The following IL1RAPL1 variants were observed in gnomAD, a reference collection of about 807,000 sequenced individuals.
The protein encoded by IL1RAPL1 is interleukin 1 receptor accessory protein like 1, also known as interleukin-1 receptor accessory protein-like 1.
A neutral mutation model predicts 48.4 loss-of-function variants in IL1RAPL1; 3 were observed. The observed-to-expected ratio is 0.06, with a 90% CI of 0.03 to 0.16. IL1RAPL1 has a LOEUF of 0.16. Ranked by LOEUF, IL1RAPL1 falls within the 10% of genes least tolerant of loss-of-function variation. The probability of loss-of-function intolerance (pLI) is 1.00; values close to 1 mark genes in which losing one functional copy is unlikely to be tolerated. For missense variants in IL1RAPL1, 349 were observed against 530.6 expected, an observed-to-expected ratio of 0.66 and a Z score of 3.36; for synonymous variants, 185 against 187.7, an observed-to-expected ratio of 0.99 and a Z score of 0.12.
At chrX:29,638,962 A>G (rs1459147476) in intron 5 of IL1RAPL1, among the ~76,000 whole-genome samples, 2 of 111,624 alleles carry the variant, frequency 1.8e-5, no homozygotes, top group African/African-American at 6.5e-5. Flanking sequence ...TGAGACGGGT[A>G]GATCACAAGG....
intron 1 of IL1RAPL1, among the ~76,000 whole-genome samples, chrX:28,725,462 A>G (rs1380722400): frequency 8.9e-6 from 1 of 111,821 alleles, no homozygotes; most frequent in Non-Finnish European, 1.9e-5. Context: ...ATTACCGGGT[A>G]ATTATGATAG....
At chrX:29,569,550 T>C (rs1922524396) in intron 5 of IL1RAPL1, among the ~76,000 whole-genome samples, 1 of 111,086 alleles carries the variant, frequency 9.0e-6, no homozygotes, top group Non-Finnish European at 1.9e-5. Flanking sequence ...ATCACATTGC[T>C]TCAACAATAG....
chrX:28,587,548 T>TGTA lies in IL1RAPL1; in HGVS notation c.-523_-522insTAG, dbSNP rs1172797750. The stretch of plus-strand genomic sequence containing the variant: ...GCATCCCGGATCTGGAAATTTTACT[T>TGTA]GGGGACCAGGAGGATTTGAAAGGCT... On this transcript the variant is annotated 5_prime_UTR_variant, in exon 1 of 11. The change creates a premature stop within an existing upstream ORF in the 5' untranslated region. Transcript: ENST00000378993. 1 of 110,649 alleles carries TGTA rather than the reference T, an allele frequency of 9.0e-6. No individual in the cohort carries two copies. Among genetic ancestry groups the TGTA allele is most frequent in the East Asian group, 2.8e-4 (1 of 3,521 alleles). 9.1% of individuals were successfully genotyped at this position (110,649 alleles called of 1,213,427 possible). A position where few individuals can be genotyped will look rare whatever the true frequency, so the allele number is the denominator to read the frequency against.
intron 2 of IL1RAPL1, among the ~76,000 whole-genome samples, chrX:28,942,910 C>T (rs755896045): frequency 9.1e-6 from 1 of 110,206 alleles, no homozygotes; most frequent in Non-Finnish European, 1.9e-5. Context: ...AAATGAAAAA[C>T]CATGTAATAA....
At chrX:28,815,080 T>C (rs1936846797) in intron 2 of IL1RAPL1, among the ~76,000 whole-genome samples, 1 of 110,287 alleles carries the variant, frequency 9.1e-6, no homozygotes, top group African/African-American at 3.3e-5. Flanking sequence ...TTATATAATA[T>C]AAGAATAATA....
At chrX:29,741,952 A>AG (rs1394015821) in intron 6 of IL1RAPL1, among the ~76,000 whole-genome samples, 1 of 107,953 alleles carries the variant, frequency 9.3e-6, no homozygotes, top group Non-Finnish European at 1.9e-5. Context: ...AAAAAAAAAA[A>AG]AAAGAAAAGC....
intron 6 of IL1RAPL1, among the ~76,000 whole-genome samples, chrX:29,728,765 C>T (rs748760336): frequency 4.4e-5 from 5 of 112,375 alleles, no homozygotes; most frequent in Non-Finnish European, 7.5e-5. Flanking sequence ...ATTGTTAACA[C>T]ACACTTCTGT....
At chrX:29,491,903 T>C (rs1452136506) in intron 5 of IL1RAPL1, among the ~76,000 whole-genome samples, 2 of 111,795 alleles carry the variant, frequency 1.8e-5, no homozygotes, top group Admixed American at 1.9e-4. Flanking sequence ...ATAACTTTAC[T>C]ATTTTCTAAA....
At chrX:29,770,690 T>G (rs976477636) in intron 6 of IL1RAPL1, among the ~76,000 whole-genome samples, 2 of 112,429 alleles carry the variant, frequency 1.8e-5, no homozygotes. Flanking sequence ...TGCCATTCTG[T>G]GCTGCTAAAG....
At chrX:29,065,487 T>A (rs1174836735) in intron 2 of IL1RAPL1, among the ~76,000 whole-genome samples, 1 of 112,133 alleles carries the variant, frequency 8.9e-6, no homozygotes, top group Non-Finnish European at 1.9e-5. Flanking sequence ...TTAGCATTTT[T>A]CCTACAATGT....
chrX:29,873,523 C>G (rs953389477), intron 6 of IL1RAPL1, among the ~76,000 whole-genome samples: 1 of 111,465 alleles, frequency 9.0e-6, no homozygotes, highest in Non-Finnish European at 1.9e-5. Flanking sequence ...TTAGACCCCC[C>G]ACTTCCGCCC....
At chrX:29,081,030 T>TCTCTC (rs1436925975) in intron 2 of IL1RAPL1, among the ~76,000 whole-genome samples, 2 of 76,347 alleles carry the variant, frequency 2.6e-5, no homozygotes, top group Admixed American at 1.6e-4. Context: ...CTTTCTTTTC[T>TCTCTC]TTTCTTTTCT....
chrX:28,855,872 G>A (rs1306177982), intron 2 of IL1RAPL1, among the ~76,000 whole-genome samples: 1 of 111,536 alleles, frequency 9.0e-6, no homozygotes, highest in East Asian at 2.8e-4. Context: ...AAGATTGGAA[G>A]AGATTTTTAA....
Position 29,918,837 on chromosome X carries a change from C to T in IL1RAPL1, c.912-1112C>T, listed in dbSNP as rs748848297. 2.7e-5 allele frequency among the ~76,000 whole-genome samples: 3 copies of T among 111,771 alleles called. No homozygotes were observed. In the South Asian group the frequency reaches 1.1e-3, roughly 42 times the overall value. On this transcript the variant is annotated intron_variant, in intron 7 of 10. Transcript: ENST00000378993. The stretch of plus-strand genomic sequence containing the variant: ...TCATTCAATGCTAGCTGTAATTATG[C>T]TTTGGCATAGATACTTATTTTTATT...
chrX:29,700,951 G>A (rs1389580160), intron 6 of IL1RAPL1, among the ~76,000 whole-genome samples: 1 of 111,927 alleles, frequency 8.9e-6, no homozygotes, highest in Admixed American at 9.5e-5. Flanking sequence ...GAGAATAATT[G>A]TATTTGGATA....
At chrX:29,635,642 A>G (rs1307798835) in intron 5 of IL1RAPL1, among the ~76,000 whole-genome samples, 1 of 111,426 alleles carries the variant, frequency 9.0e-6, no homozygotes, top group Non-Finnish European at 1.9e-5. Context: ...ATTGATAAAA[A>G]AATATATTAA....
intron 3 of IL1RAPL1, among the ~76,000 whole-genome samples, chrX:29,373,867 ATTTTT>A (rs59750110): frequency 4.6e-5 from 1 of 21,659 alleles, no homozygotes; most frequent in African/African-American, 2.1e-4. Flanking sequence ...TCTCTTTTTA[ATTTTT>A]TTTTTTTTTT....
At chrX:28,953,553 A>G (rs978291351) in intron 2 of IL1RAPL1, among the ~76,000 whole-genome samples, 5 of 111,593 alleles carry the variant, frequency 4.5e-5, no homozygotes, top group Admixed American at 9.6e-5. Context: ...ATAAAAATAC[A>G]TACATTACAA....
At chrX:28,918,578 T>C (rs1442720946) in intron 2 of IL1RAPL1, among the ~76,000 whole-genome samples, 1 of 112,236 alleles carries the variant, frequency 8.9e-6, no homozygotes, top group Non-Finnish European at 1.9e-5. Flanking sequence ...CCTTTGCCAA[T>C]TGCAGTTCAG....
Sources: gnomAD v4.1 joint callset for allele counts (sites outside exome capture counted in the v4.1 genomes callset) on GRCh38, gnomAD v4.1.1 for gene constraint, MANE v1.5 for transcripts, NCBI Gene and HGNC (gene_info 2026-07-23, HGNC 2026-07-21) for gene names.